The following NDST4 variants were observed in gnomAD, a reference collection of about 807,000 sequenced individuals.
NDST4 encodes N-deacetylase and N-sulfotransferase 4, also known as N-heparan sulfate sulfotransferase 4.
NDST4 carries 63 observed loss-of-function variants against 100.8 expected under a neutral mutation model. That is an observed-to-expected ratio of 0.62 (90% CI 0.51 to 0.77). The LOEUF is 0.77. NDST4 is among the 30% of genes least tolerant of loss of function. NDST4 has a pLI of 0.00. For synonymous variants in NDST4, 377 were observed against 361.8 expected (o/e 1.04, Z -0.48); for missense variants, 943 against 1,018.4 (o/e 0.93, Z 1.01).
chr4:114,967,891 C>T (rs1322398004), intron 4 of NDST4, among the ~76,000 whole-genome samples: 1 of 152,030 alleles, frequency 6.6e-6, no homozygotes, highest in East Asian at 1.9e-4. Flanking sequence ...TTACTGTGTG[C>T]CAGCCGCTGC....
At chr4:115,070,814 T>A (rs888380276) in intron 2 of NDST4, among the ~76,000 whole-genome samples, 1 of 152,090 alleles carries the variant, frequency 6.6e-6, no homozygotes, top group African/African-American at 2.4e-5. Flanking sequence ...GTCAAAAAAC[T>A]CGTATTCTGG....
chr4:115,060,597 C>T (rs942662090), intron 2 of NDST4, among the ~76,000 whole-genome samples: 1 of 151,602 alleles, frequency 6.6e-6, no homozygotes, highest in African/African-American at 2.4e-5. Flanking sequence ...GTCATGAATG[C>T]AAGGAGTAAT....
At chr4:114,948,397 G>A (rs1376469836) in intron 4 of NDST4, among the ~76,000 whole-genome samples, 3 of 151,716 alleles carry the variant, frequency 2.0e-5, no homozygotes, top group Non-Finnish European at 2.9e-5. Context: ...GGCAAAGCAG[G>A]TTAAATTTCA....
intron 6 of NDST4, among the ~76,000 whole-genome samples, chr4:114,884,005 G>A (rs1056623784): frequency 6.6e-6 from 1 of 152,044 alleles, no homozygotes; most frequent in Non-Finnish European, 1.5e-5. Context: ...ACAAAATAAA[G>A]ACTCATATGA....
At chr4:114,960,379 G>A (rs775340590) in intron 4 of NDST4, among the ~76,000 whole-genome samples, 3 of 151,538 alleles carry the variant, frequency 2.0e-5, no homozygotes, top group Non-Finnish European at 4.4e-5. Flanking sequence ...AGGCCAACGC[G>A]GGCAGATCAT....
At chr4:115,058,896 T>A (rs931042337) in intron 2 of NDST4, among the ~76,000 whole-genome samples, 6 of 152,012 alleles carry the variant, frequency 3.9e-5, no homozygotes, top group African/African-American at 1.4e-4. Context: ...AAACTAATTG[T>A]GCTTTTTTAT....
intron 10 of NDST4, among the ~76,000 whole-genome samples, chr4:114,844,494 T>C (rs1312590561): frequency 6.6e-6 from 1 of 152,220 alleles, no homozygotes. Flanking sequence ...GCGTTTAACA[T>C]ATACTGTATC....
chr4:114,980,560 T>G (rs1726744403), intron 2 of NDST4, among the ~76,000 whole-genome samples: 1 of 152,130 alleles, frequency 6.6e-6, no homozygotes, highest in African/African-American at 2.4e-5. Flanking sequence ...GAGAATCACT[T>G]AAACCTGGGA....
intron 6 of NDST4, among the ~76,000 whole-genome samples, chr4:114,873,725 A>T (rs952311666): frequency 6.6e-6 from 1 of 152,094 alleles, no homozygotes; most frequent in African/African-American, 2.4e-5. Flanking sequence ...GATCCCAATA[A>T]GTATGCATTT....
rs143121131 is a variant in NDST4, at chr4:114,952,293, G to C, written c.1222-14790C>G. 4.2e-3 allele frequency among the ~76,000 whole-genome samples: 641 copies of C among 152,056 alleles called. 4 individuals are homozygous for C. The highest frequency in any genetic ancestry group is 0.015 in the African/African-American group (606 of 41,482). Reference sequence around the variant, plus strand: ...CTTGATACTGAAGTGTATTTTGTAGGGGGCATTTATGTCTTTGAGGTTAAA... The same window carrying C: ...CTTGATACTGAAGTGTATTTTGTAGCGGGCATTTATGTCTTTGAGGTTAAA... On this transcript the variant is annotated intron_variant, in intron 4 of 13. Transcript: ENST00000264363.
In NDST4 at chr4:114,848,217, G is replaced by A. The variant is rs191587225; in HGVS notation, c.1938C>T (p.Asp646=). 1 of 1,601,732 alleles carries A rather than the reference G, an allele frequency of 6.2e-7. No homozygotes were observed. Among genetic ancestry groups the A allele is most frequent in the East Asian group, 2.2e-5 (1 of 44,554 alleles). The change falls in exon 9 of 14, where the codon GAC becomes GAT. Residue 646 remains aspartate, a splice_region_variant and synonymous_variant. Transcript: ENST00000264363. ...FNGNNYHKGI[D]WYMDFFPTPS... Reference sequence around the variant, plus strand: ...TTATTTTTTGTTATTTTTCTTACCAGTCTATTCCTTTGTGATAGTTGTTGC... The same window carrying A: ...TTATTTTTTGTTATTTTTCTTACCAATCTATTCCTTTGTGATAGTTGTTGC...
chr4:115,089,387 C>CAAAAA (rs372039303), intron 1 of NDST4, among the ~76,000 whole-genome samples: 2 of 13,754 alleles, frequency 1.5e-4, no homozygotes, highest in Non-Finnish European at 2.5e-4. Flanking sequence ...AATGTAGGAT[C>CAAAAA]TTTTAAATGG....
chr4:115,049,940 A>G (rs1289977292), intron 2 of NDST4, among the ~76,000 whole-genome samples: 1 of 152,164 alleles, frequency 6.6e-6, no homozygotes, highest in South Asian at 2.1e-4. Flanking sequence ...CCCTCCTTTT[A>G]CAGATGAAGA....
chr4:114,901,467 G>A (rs532306732), intron 6 of NDST4, among the ~76,000 whole-genome samples: 1 of 152,094 alleles, frequency 6.6e-6, no homozygotes, highest in Non-Finnish European at 1.5e-5. Context: ...CTTTTGACTA[G>A]TGTTAGAATG....
chr4:115,023,503 A>G (rs1472000526), intron 2 of NDST4, among the ~76,000 whole-genome samples: 1 of 151,298 alleles, frequency 6.6e-6, no homozygotes, highest in Non-Finnish European at 1.5e-5. Context: ...AAAAAAAAAA[A>G]AGAACTTATT....
chr4:114,858,140 G>T (rs574247017), intron 7 of NDST4, among the ~76,000 whole-genome samples: 1 of 152,284 alleles, frequency 6.6e-6, no homozygotes, highest in South Asian at 2.1e-4. Context: ...TGCCAGTGCT[G>T]AATATCTGAC....
At chr4:115,085,773 G>A (rs1051594604) in intron 1 of NDST4, among the ~76,000 whole-genome samples, 1 of 151,990 alleles carries the variant, frequency 6.6e-6, no homozygotes, top group East Asian at 1.9e-4. Flanking sequence ...CCCAGTCTTG[G>A]GTATTTCTCC....
intron 1 of NDST4, among the ~76,000 whole-genome samples, chr4:115,082,495 T>A (rs1729323921): frequency 6.6e-6 from 1 of 152,152 alleles, no homozygotes; most frequent in Admixed American, 6.6e-5. Flanking sequence ...TCACATTGCA[T>A]ATACGTGTGG....
At chr4:115,025,644 G>A (rs76759140) in intron 2 of NDST4, among the ~76,000 whole-genome samples, 8,377 of 152,086 alleles carry the variant, frequency 0.055, 662 homozygotes, top group African/African-American at 0.18. Context: ...TACAATGTGA[G>A]GAGCATATCT....
Sources: gnomAD v4.1 joint callset for allele counts (sites outside exome capture counted in the v4.1 genomes callset) on GRCh38, gnomAD v4.1.1 for gene constraint, MANE v1.5 for transcripts, NCBI Gene and HGNC (gene_info 2026-07-23, HGNC 2026-07-21) for gene names.